Variants in CAMKMT observed in about 807,000 individuals in gnomAD.
CAMKMT encodes the protein calmodulin-lysine N-methyltransferase, also known as CaM KMT.
A neutral mutation model predicts 48.0 loss-of-function variants in CAMKMT; 53 were observed. The ratio of observed to expected loss-of-function variants is 1.10; its 90% CI spans 0.89 to 1.39. The LOEUF is 1.39. Among genes scored for constraint, CAMKMT ranks in the 40% most tolerant of loss-of-function variants. The probability of loss-of-function intolerance (pLI) is 0.00; values close to 1 mark genes in which losing one functional copy is unlikely to be tolerated. For missense variants in CAMKMT, 428 were observed against 402.7 expected (o/e 1.06, Z -0.54); for synonymous variants, 165 against 152.3 (o/e 1.08, Z -0.61).
intron 3 of CAMKMT, among the ~76,000 whole-genome samples, chr2:44,466,852 A>G (rs1309264747): frequency 6.6e-6 from 1 of 152,234 alleles, no homozygotes; most frequent in Non-Finnish European, 1.5e-5. Context: ...AGAACTGAAA[A>G]GGACTATAAG....
At position 44,772,134 on chromosome 2, in the gene CAMKMT, C is replaced by G; in HGVS notation, c.*21C>G. 1 of 1,592,468 alleles carries G rather than the reference C, an allele frequency of 6.3e-7. No homozygotes were observed. Among genetic ancestry groups the G allele is most frequent in the Non-Finnish European group, 8.6e-7 (1 of 1,163,040 alleles). On this transcript the variant is annotated 3_prime_UTR_variant, in exon 11 of 11. Coordinates refer to ENST00000378494, the MANE Select transcript of CAMKMT (RefSeq NM_024766.5). ...GATAGAAGATTAAGCTTCTCAAAGA[C>G]GAAGAAACGTATCAAGTGCATAGGG...
chr2:44,455,351 G>C (rs1380858678), intron 3 of CAMKMT, among the ~76,000 whole-genome samples: 1 of 152,074 alleles, frequency 6.6e-6, no homozygotes, highest in Admixed American at 6.6e-5. Flanking sequence ...TTTTCTTTCT[G>C]CTTGCCCTTT....
chr2:44,479,038 G>A (rs1668837506), intron 3 of CAMKMT, among the ~76,000 whole-genome samples: 1 of 152,026 alleles, frequency 6.6e-6, no homozygotes, highest in African/African-American at 2.4e-5. Flanking sequence ...TGACATCCTT[G>A]GTACATATTG....
At chr2:44,707,332 C>T (rs1677614871) in intron 5 of CAMKMT, 67 bp from the exon 6 acceptor site, 2 of 1,392,268 alleles carry the variant, frequency 1.4e-6, no homozygotes, top group Non-Finnish European at 2.0e-6. Context: ...CTTGTCACTC[C>T]TGTCTTCACT....
chr2:44,394,205 G>A (rs376703471), intron 3 of CAMKMT, among the ~76,000 whole-genome samples: 2 of 152,000 alleles, frequency 1.3e-5, no homozygotes, highest in East Asian at 3.9e-4. Context: ...TTGTGAAGCA[G>A]GATTCCTGGC....
intron 3 of CAMKMT, among the ~76,000 whole-genome samples, chr2:44,395,871 A>G (rs1419264485): frequency 1.3e-5 from 2 of 152,136 alleles, no homozygotes; most frequent in African/African-American, 4.8e-5. Context: ...TTATTTTGTT[A>G]TGTGAAAACA....
At chr2:44,712,518 A>G (rs1677937421) in intron 6 of CAMKMT, among the ~76,000 whole-genome samples, 1 of 152,128 alleles carries the variant, frequency 6.6e-6, no homozygotes, top group Non-Finnish European at 1.5e-5. Context: ...ATGGAGCCCT[A>G]CCTCTGAACG....
intron 2 of CAMKMT, among the ~76,000 whole-genome samples, chr2:44,377,584 A>G (rs1401486935): frequency 6.6e-6 from 1 of 152,198 alleles, no homozygotes; most frequent in Non-Finnish European, 1.5e-5. Context: ...ATGGAACCAT[A>G]GAAGTGCCTG....
chr2:44,499,519 T>A (rs1669909763), intron 3 of CAMKMT, among the ~76,000 whole-genome samples: 1 of 152,204 alleles, frequency 6.6e-6, no homozygotes, highest in African/African-American at 2.4e-5. Flanking sequence ...AAATGGGAAT[T>A]TGTCTTTATA....
In CAMKMT at chr2:44,549,609, G is replaced by A. The variant is rs1342428045; in HGVS notation, c.377-154674G>A. ...GGAGTGCAGTGGTGATCATAACTCA[G>A]TGCAGCCTCAAACTCCTGAACTGCT... On this transcript the variant is annotated intron_variant, in intron 3 of 10. Transcript: ENST00000378494. The A allele has an allele frequency of 5.9e-6, 4 of 682,902 alleles. No homozygotes were observed. In the South Asian group the frequency reaches 6.4e-5, roughly 11 times the overall value. The allele number at this position is 682,902 out of a possible 1,614,324, so 42.3% of individuals were successfully genotyped here.
intron 3 of CAMKMT, among the ~76,000 whole-genome samples, chr2:44,582,121 G>A (rs748695374): frequency 2.0e-5 from 3 of 152,172 alleles, no homozygotes; most frequent in Non-Finnish European, 4.4e-5. Context: ...TCTATCCATC[G>A]TAGGTAAGTA....
intron 3 of CAMKMT, among the ~76,000 whole-genome samples, chr2:44,702,701 T>G (rs1395036808): frequency 2.0e-5 from 3 of 152,170 alleles, no homozygotes; most frequent in African/African-American, 7.2e-5. Context: ...TCCAAACACT[T>G]CTTGCTGGTT....
Position 44,391,674 on chromosome 2 carries a change from T to C in CAMKMT, c.376+1369T>C, listed in dbSNP as rs974063727. Among the ~76,000 whole-genome samples the C allele has an allele frequency of 5.3e-5, 8 of 152,144 alleles. 1 individual carries two copies. Among genetic ancestry groups the C allele is most frequent in the African/African-American group, 1.9e-4 (8 of 41,432 alleles). On this transcript the variant is annotated intron_variant, in intron 3 of 10. Coordinates refer to ENST00000378494, the MANE Select transcript of CAMKMT (RefSeq NM_024766.5). The stretch of plus-strand genomic sequence containing the variant: ...CAAGTATTGTTCCCAGTTGGCTCCG[T>C]ATGAAATAGGGCCACTAGCTGACAG...
At chr2:44,542,320 A>T (rs1360389281) in intron 3 of CAMKMT, among the ~76,000 whole-genome samples, 1 of 152,140 alleles carries the variant, frequency 6.6e-6, no homozygotes, top group Non-Finnish European at 1.5e-5. Flanking sequence ...TGTTTTCCAT[A>T]TAGGGCCCCC....
At chr2:44,412,999 C>G (rs1475468121) in intron 3 of CAMKMT, among the ~76,000 whole-genome samples, 1 of 151,456 alleles carries the variant, frequency 6.6e-6, no homozygotes, top group Admixed American at 6.6e-5. Context: ...TGGCTTGAAC[C>G]CGGGAAGCAG....
chr2:44,516,739 A>ATTTTTTT (rs749089273), intron 3 of CAMKMT, among the ~76,000 whole-genome samples: 1 of 133,110 alleles, frequency 7.5e-6, no homozygotes, highest in African/African-American at 2.9e-5. Context: ...GTTTCTTGAG[A>ATTTTTTT]TTTTTTTTTT....
At chr2:44,542,071 G>T (rs1013634090) in intron 3 of CAMKMT, among the ~76,000 whole-genome samples, 3 of 151,172 alleles carry the variant, frequency 2.0e-5, no homozygotes, top group Middle Eastern at 3.4e-3. Flanking sequence ...GGAGGTTGCG[G>T]TGAGCCGAGA....
chr2:44,408,281 C>G (rs576751089), intron 3 of CAMKMT, among the ~76,000 whole-genome samples: 109 of 152,172 alleles, frequency 7.2e-4, no homozygotes, highest in Non-Finnish European at 2.4e-4. Flanking sequence ...ACCTCGGCCT[C>G]CCAAAGTTCT....
chr2:44,601,131 G>A (rs1670962234), intron 3 of CAMKMT, among the ~76,000 whole-genome samples: 1 of 152,070 alleles, frequency 6.6e-6, no homozygotes. Flanking sequence ...ATAGCCAGAT[G>A]TTTTACTTAA....
Sources: allele counts gnomAD v4.1 joint callset (sites outside exome capture counted in the v4.1 genomes callset), GRCh38; gene constraint gnomAD v4.1.1; transcripts MANE v1.5; gene names NCBI Gene and HGNC (gene_info 2026-07-23, HGNC 2026-07-21).